The following LEF1 variants were observed in gnomAD, a reference collection of about 807,000 sequenced individuals.
LEF1 encodes lymphoid enhancer binding factor 1, also known as lymphoid enhancer-binding factor 1.
Under a neutral mutation model 51.2 loss-of-function variants are expected in LEF1, and 14 were observed. The observed-to-expected ratio is 0.27, with a 90% CI of 0.18 to 0.43. The LOEUF is 0.43. Among genes scored for constraint, LEF1 ranks in the 20% least tolerant of loss-of-function variants. The probability of loss-of-function intolerance (pLI) is 1.00; values close to 1 mark genes in which losing one functional copy is unlikely to be tolerated. For synonymous variants in LEF1, 185 were observed against 183.2 expected (o/e 1.01, Z -0.08); for missense variants, 386 against 512.0 (o/e 0.75, Z 2.37).
At chr4:108,107,820 G>T (rs891269117) in intron 3 of LEF1, among the ~76,000 whole-genome samples, 2 of 151,058 alleles carry the variant, frequency 1.3e-5, no homozygotes, top group East Asian at 3.9e-4. Flanking sequence ...CATTTTCCCC[G>T]TTACTGATAA....
chr4:108,150,300 A>G (rs556611697), intron 3 of LEF1, among the ~76,000 whole-genome samples: 53 of 152,260 alleles, frequency 3.5e-4, no homozygotes, highest in African/African-American at 1.2e-3. Flanking sequence ...GAATAATGAA[A>G]CCTTTGGTCA....
chr4:108,162,067 C>T (rs544401345), intron 3 of LEF1, among the ~76,000 whole-genome samples: 1 of 152,240 alleles, frequency 6.6e-6, no homozygotes, highest in South Asian at 2.1e-4. Context: ...TTTGAGGGGC[C>T]TCTAAATATT....
At chr4:108,146,716 C>T (rs1309170015) in intron 3 of LEF1, among the ~76,000 whole-genome samples, 2 of 152,094 alleles carry the variant, frequency 1.3e-5, no homozygotes, top group Admixed American at 1.3e-4. Context: ...CTAAAAACTC[C>T]GACAAGTTTT....
chr4:108,140,251 C>T (rs867374334), intron 3 of LEF1, among the ~76,000 whole-genome samples: 1 of 151,966 alleles, frequency 6.6e-6, no homozygotes, highest in Admixed American at 6.6e-5. Flanking sequence ...TCCAGGCAGC[C>T]CTGGAGCAGA....
At chr4:108,075,701 C>A (rs1738812421) in intron 8 of LEF1, among the ~76,000 whole-genome samples, 1 of 152,206 alleles carries the variant, frequency 6.6e-6, no homozygotes, top group South Asian at 2.1e-4. Context: ...GAAGGACTGA[C>A]TATGTATGTC....
intron 3 of LEF1, among the ~76,000 whole-genome samples, chr4:108,113,552 C>G (rs900685176): frequency 6.6e-6 from 1 of 152,176 alleles, no homozygotes; most frequent in Non-Finnish European, 1.5e-5. Context: ...CTGTTTTTGC[C>G]GCAGATCACA....
At chr4:108,133,404 G>A (rs149715013) in intron 3 of LEF1, among the ~76,000 whole-genome samples, 229 of 152,208 alleles carry the variant, frequency 1.5e-3, no homozygotes, top group African/African-American at 5.3e-3. Context: ...TTACAGACTC[G>A]TCCTTCATTA....
intron 8 of LEF1, among the ~76,000 whole-genome samples, chr4:108,077,093 CT>C (rs1738913799): frequency 6.6e-6 from 1 of 151,438 alleles, no homozygotes; most frequent in Non-Finnish European, 1.5e-5. Flanking sequence ...TCACCCAGCA[CT>C]TTGGGAGGCC....
chr4:108,062,516 T>C (rs1330110209), intron 11 of LEF1, among the ~76,000 whole-genome samples: 2 of 152,150 alleles, frequency 1.3e-5, no homozygotes, highest in African/African-American at 4.8e-5. Context: ...GGGGCAAAGC[T>C]ACAAGGGCAG....
chr4:108,107,272 T>C (rs933647060), intron 3 of LEF1, among the ~76,000 whole-genome samples: 39 of 151,976 alleles, frequency 2.6e-4, no homozygotes, highest in African/African-American at 9.2e-4. Flanking sequence ...AGGTGTTTTT[T>C]TTTTTTTCTT....
At chr4:108,049,755 T>C (rs1736859357) in intron 11 of LEF1, among the ~76,000 whole-genome samples, 1 of 152,256 alleles carries the variant, frequency 6.6e-6, no homozygotes, top group African/African-American at 2.4e-5. Flanking sequence ...TGGATTATCG[T>C]ACACTTTCAT....
At chr4:108,133,711 G>A (rs1324726950) in intron 3 of LEF1, among the ~76,000 whole-genome samples, 3 of 152,134 alleles carry the variant, frequency 2.0e-5, no homozygotes, top group Admixed American at 6.5e-5. Context: ...GGGTTGGGAC[G>A]GACTTTAGAG....
rs114901813 is a variant in LEF1, at chr4:108,165,322, T to C, written c.214-159A>G. ...ACATACGCTAGTGTTTAGTACTGCA[T>C]AATCCTTTTCTTGTCAACATGTATT... is the stretch of plus-strand genomic sequence containing the variant. On this transcript the variant is annotated intron_variant, in intron 1 of 11. Coordinates refer to ENST00000265165, the MANE Select transcript of LEF1 (RefSeq NM_016269.5). 3.2e-3 allele frequency: 1,862 copies of C among 588,358 alleles called. 6 individuals are homozygous for C. The highest frequency in any genetic ancestry group is 4.7e-3 in the Non-Finnish European group (1,546 of 330,544). 36.4% of individuals were successfully genotyped at this position (588,358 alleles called of 1,614,324 possible).
At chr4:108,140,170 A>G (rs1167915743) in intron 3 of LEF1, among the ~76,000 whole-genome samples, 4 of 152,192 alleles carry the variant, frequency 2.6e-5, no homozygotes, top group Non-Finnish European at 5.9e-5. Context: ...CCTTGAGTGA[A>G]ATGCAGTCTA....
chr4:108,115,682 T>C (rs2110323809), intron 3 of LEF1, among the ~76,000 whole-genome samples: 1 of 152,210 alleles, frequency 6.6e-6, no homozygotes, highest in South Asian at 2.1e-4. Flanking sequence ...ATTTACAGCA[T>C]GAGAAAAAAG....
Position 108,111,353 on chromosome 4 carries a change from T to A in LEF1, c.415-22096A>T, listed in dbSNP as rs1741518217. ...GTAGCTAATCTTTGAAAGCACCACC[T>A]GCTGAGTGTACCTGGGGACCCAGCC... On this transcript the variant is annotated intron_variant, in intron 3 of 11. Transcript: ENST00000265165. 2.0e-5 allele frequency among the ~76,000 whole-genome samples: 3 copies of A among 152,174 alleles called. No individual in the cohort carries two copies. In the South Asian group the frequency reaches 6.2e-4, roughly 32 times the overall value.
intron 4 of LEF1, 67 bp downstream of exon 4, chr4:108,089,058 T>A: frequency 6.3e-7 from 1 of 1,593,596 alleles, no homozygotes. Flanking sequence ...GGAAGGTCAC[T>A]CAGGCTGATG....
chr4:108,071,152 C>A (rs1334520160), intron 8 of LEF1, among the ~76,000 whole-genome samples: 1 of 152,180 alleles, frequency 6.6e-6, no homozygotes, highest in African/African-American at 2.4e-5. Context: ...ATATCTGAGC[C>A]CAAGTACTTT....
intron 11 of LEF1, among the ~76,000 whole-genome samples, chr4:108,050,130 A>G (rs1174513386): frequency 1.3e-5 from 2 of 152,214 alleles, no homozygotes; most frequent in South Asian, 2.1e-4. Flanking sequence ...ACAAAAAACA[A>G]AATAGGAGGA....
Sources: gnomAD v4.1 joint callset for allele counts (sites outside exome capture counted in the v4.1 genomes callset) on GRCh38, gnomAD v4.1.1 for gene constraint, MANE v1.5 for transcripts, NCBI Gene and HGNC (gene_info 2026-07-23, HGNC 2026-07-21) for gene names.